The following ADCK1 variants were observed in gnomAD, a reference collection of about 807,000 sequenced individuals.
ADCK1 encodes aarF domain containing kinase 1.
Under a neutral mutation model 52.3 loss-of-function variants are expected in ADCK1, and 41 were observed. That is an observed-to-expected ratio of 0.78 (90% CI 0.61 to 1.02). The LOEUF (loss-of-function observed/expected upper bound fraction) is 1.02, where lower values mean the gene tolerates loss of function less well. Ranked by LOEUF, ADCK1 falls within the 50% of genes least tolerant of loss-of-function variation. The pLI, the probability that ADCK1 is intolerant of heterozygous loss-of-function variation, is 0.00. For missense variants in ADCK1, 658 were observed against 679.5 expected, an observed-to-expected ratio of 0.97 and a Z score of 0.35; for synonymous variants, 250 against 274.6, an observed-to-expected ratio of 0.91 and a Z score of 0.89.
chr14:77,878,273 G>A (rs529510821), intron 4 of ADCK1, among the ~76,000 whole-genome samples: 9 of 152,340 alleles, frequency 5.9e-5, no homozygotes, highest in African/African-American at 2.2e-4. Flanking sequence ...GTGATCCATA[G>A]CGAATATATT....
intron 10 of ADCK1, 56 bp downstream of exon 10, chr14:77,931,767 G>T: frequency 6.5e-7 from 1 of 1,550,136 alleles, no homozygotes; most frequent in Non-Finnish European, 8.7e-7. Context: ...TGCCCCAGGG[G>T]TCCTGCTTTT....
intron 3 of ADCK1, among the ~76,000 whole-genome samples, chr14:77,826,392 T>G (rs2081707376): frequency 6.6e-6 from 1 of 152,170 alleles, no homozygotes. Flanking sequence ...AGGCGGTGAC[T>G]TCGAGCACTT....
chr14:77,931,832 A>G (rs2084348297), intron 10 of ADCK1, 121 bp downstream of exon 10: 2 of 1,041,430 alleles, frequency 1.9e-6, no homozygotes, highest in East Asian at 2.5e-5. Context: ...CCCAATCTCC[A>G]GATATCCCTG....
chr14:77,845,316 T>C (rs990373730), intron 3 of ADCK1, among the ~76,000 whole-genome samples: 2 of 152,244 alleles, frequency 1.3e-5, no homozygotes, highest in Non-Finnish European at 2.9e-5. Context: ...GGATAATAAT[T>C]ATGCCTACCA....
intron 4 of ADCK1, among the ~76,000 whole-genome samples, chr14:77,867,370 G>A (rs957286768): frequency 6.6e-6 from 1 of 152,204 alleles, no homozygotes; most frequent in Admixed American, 6.5e-5. Flanking sequence ...CTAGGGGCCA[G>A]GGAGTGGGAT....
intron 2 of ADCK1, among the ~76,000 whole-genome samples, chr14:77,821,734 A>G (rs2081586845): frequency 6.6e-6 from 1 of 151,904 alleles, no homozygotes; most frequent in African/African-American, 2.4e-5. Context: ...TACAAAAATT[A>G]GCCGAGTGTG....
At chr14:77,847,060 G>A (rs2082186122) in intron 3 of ADCK1, among the ~76,000 whole-genome samples, 1 of 152,176 alleles carries the variant, frequency 6.6e-6, no homozygotes, top group Non-Finnish European at 1.5e-5. Flanking sequence ...GGAGGTGAAG[G>A]GAGGCAGGCT....
chr14:77,832,521 C>T (rs1192313090), intron 3 of ADCK1, among the ~76,000 whole-genome samples: 3 of 152,214 alleles, frequency 2.0e-5, no homozygotes, highest in Non-Finnish European at 4.4e-5. Context: ...GCCTCTTCAC[C>T]CTCCCTCCTC....
intron 1 of ADCK1, among the ~76,000 whole-genome samples, chr14:77,805,386 C>T (rs150881937): frequency 0.048 from 7,231 of 150,300 alleles, 275 homozygotes; most frequent in East Asian, 0.18. Flanking sequence ...CTCAGCCTCC[C>T]GAGTAACTGG....
chr14:77,905,177 G>C (rs2140251259), intron 6 of ADCK1, among the ~76,000 whole-genome samples: 1 of 152,194 alleles, frequency 6.6e-6, no homozygotes, highest in East Asian at 1.9e-4. Context: ...GGTTAGACTG[G>C]AATGGTGATG....
intron 3 of ADCK1, among the ~76,000 whole-genome samples, chr14:77,828,701 A>G (rs909073423): frequency 6.6e-6 from 1 of 151,826 alleles, no homozygotes; most frequent in South Asian, 2.1e-4. Flanking sequence ...CTAATTTTGT[A>G]TTTTTAGTAG....
intron 5 of ADCK1, among the ~76,000 whole-genome samples, chr14:77,891,830 T>G (rs567378278): frequency 1.3e-5 from 2 of 152,318 alleles, no homozygotes; most frequent in African/African-American, 4.8e-5. Flanking sequence ...TGCCTGGGTC[T>G]TTCTCTGGTA....
At chr14:77,854,319 G>A (rs1210940359) in intron 3 of ADCK1, among the ~76,000 whole-genome samples, 1 of 152,186 alleles carries the variant, frequency 6.6e-6, no homozygotes, top group Non-Finnish European at 1.5e-5. Flanking sequence ...TCCAGTAAGA[G>A]GAGAGGTCTG....
chr14:77,807,096 T>C (rs1166075526), intron 1 of ADCK1, among the ~76,000 whole-genome samples: 2 of 100,850 alleles, frequency 2.0e-5, no homozygotes, highest in African/African-American at 4.1e-5. Context: ...TGAGACGGAG[T>C]CTCGCTCTGT....
intron 3 of ADCK1, among the ~76,000 whole-genome samples, chr14:77,832,439 A>G (rs1180264910): frequency 6.6e-6 from 1 of 152,222 alleles, no homozygotes; most frequent in Non-Finnish European, 1.5e-5. Flanking sequence ...CAAGTTGGAC[A>G]GAAAGTAGAC....
At chr14:77,910,688 T>C (rs979242003) in intron 7 of ADCK1, among the ~76,000 whole-genome samples, 3 of 152,212 alleles carry the variant, frequency 2.0e-5, no homozygotes, top group African/African-American at 4.8e-5. Flanking sequence ...AGAGGCAACG[T>C]TGATTTTCCA....
At chr14:77,898,249 G>A (rs2140236315) in intron 5 of ADCK1, among the ~76,000 whole-genome samples, 1 of 152,306 alleles carries the variant, frequency 6.6e-6, no homozygotes, top group East Asian at 1.9e-4. Context: ...GGGCTACAGA[G>A]TGACATCTTG....
chr14:77,890,094 T>C (rs2083252721), intron 5 of ADCK1, among the ~76,000 whole-genome samples: 1 of 152,244 alleles, frequency 6.6e-6, no homozygotes, highest in Non-Finnish European at 1.5e-5. Context: ...AGTTATCTAA[T>C]GCTGCATAAT....
intron 7 of ADCK1, among the ~76,000 whole-genome samples, chr14:77,915,260 G>T (rs2083892056): frequency 6.6e-6 from 1 of 150,708 alleles, no homozygotes; most frequent in African/African-American, 2.5e-5. Context: ...GTATACATGT[G>T]CCATGTTGGT....
Sources: allele counts gnomAD v4.1 joint callset (sites outside exome capture counted in the v4.1 genomes callset), GRCh38; gene constraint gnomAD v4.1.1; transcripts MANE v1.5; gene names NCBI Gene and HGNC (gene_info 2026-07-23, HGNC 2026-07-21).